The following TUBG2 variants were observed in gnomAD, a reference collection of about 807,000 sequenced individuals.
TUBG2 encodes tubulin gamma-2 chain.
Under a neutral mutation model 55.1 loss-of-function variants are expected in TUBG2, and 39 were observed. That is an observed-to-expected ratio of 0.71 (90% CI 0.55 to 0.93). The LOEUF (loss-of-function observed/expected upper bound fraction) is 0.93. Ranked by LOEUF, TUBG2 falls within the 40% of genes least tolerant of loss-of-function variation. TUBG2 has a pLI of 0.00. For synonymous variants in TUBG2, 223 were observed against 241.0 expected (o/e 0.93, Z 0.69); for missense variants, 358 against 599.1 (o/e 0.60, Z 4.20).
At chr17:42,663,260 C>G in intron 5 of TUBG2, 117 bp from the exon 6 acceptor site, 1 of 1,487,666 alleles carries the variant, frequency 6.7e-7, no homozygotes, top group Non-Finnish European at 9.1e-7. Flanking sequence ...TCAGGCTTAT[C>G]CTTTTTGGCT....
In TUBG2 at chr17:42,666,994, G is replaced by C. The variant is rs2143531740; in HGVS notation, c.*194G>C. The C allele has an allele frequency of 1.7e-6, 1 of 605,996 alleles. No individual in the cohort carries two copies. The highest frequency in any genetic ancestry group is 2.9e-6 in the Non-Finnish European group (1 of 350,056). 37.5% of individuals were successfully genotyped at this position (605,996 alleles called of 1,614,324 possible). ...CAGCTCTAATAAAGTAATAAAGCTT[G>C]GTTGTCAGTATAGCCAGGGCTTGAT... On this transcript the variant is annotated 3_prime_UTR_variant, in exon 11 of 11. Coordinates refer to ENST00000251412, the MANE Select transcript of TUBG2 (RefSeq NM_016437.3).
chr17:42,665,033 A>AT (rs944079299), intron 6 of TUBG2, among the ~76,000 whole-genome samples: 37 of 148,980 alleles, frequency 2.5e-4, no homozygotes, highest in African/African-American at 9.1e-4. Context: ...ATTTTATTTT[A>AT]TTTATTTTAT....
At position 42,666,442 on chromosome 17, in the gene TUBG2, G is replaced by C. The variant is rs753971478; in HGVS notation, c.1116G>C (p.Arg372=). ...CTCCCTACCTGCCCTCGGCCCACCG[G>C]GTCAGCGGGCTCATGATGGCCAACC... ...RKSPYLPSAH[R]VSGLMMANHT... The change falls in exon 10 of 11, where the codon CGG becomes CGC. Residue 372 remains arginine (R), a synonymous_variant. Coordinates refer to ENST00000251412, the MANE Select transcript of TUBG2 (RefSeq NM_016437.3). The C allele has an allele frequency of 1.9e-6, 3 of 1,614,158 alleles. No individual in the cohort carries two copies. The highest frequency in any genetic ancestry group is 2.5e-6 in the Non-Finnish European group (3 of 1,179,982).
At chr17:42,665,880 C>T in intron 8 of TUBG2, 53 bp downstream of exon 8, 1 of 1,609,894 alleles carries the variant, frequency 6.2e-7, no homozygotes, top group Non-Finnish European at 8.5e-7. Context: ...CCCAGCAGGC[C>T]CTGCCCCAGC....
At chr17:42,664,444 C>G (rs2052467399) in intron 6 of TUBG2, among the ~76,000 whole-genome samples, 5 of 152,006 alleles carry the variant, frequency 3.3e-5, no homozygotes, top group Admixed American at 3.3e-4. Context: ...TTCTTAGAAT[C>G]CTTTTAGGCA....
In TUBG2 at chr17:42,659,346, C is replaced by G; in HGVS notation, c.-158C>G. ...AGGTTGGGCTCCCCGGCCCACCGGCCGAGGAGAGGCCTGCGCTGCACACGC... is the reference window on the plus strand; with the variant it reads ...AGGTTGGGCTCCCCGGCCCACCGGCGGAGGAGAGGCCTGCGCTGCACACGC... On this transcript the variant is annotated 5_prime_UTR_variant, in exon 1 of 11. Coordinates refer to ENST00000251412, the MANE Select transcript of TUBG2 (RefSeq NM_016437.3). 3 of 697,872 alleles carry G rather than the reference C, an allele frequency of 4.3e-6. No individual in the cohort carries two copies. Among genetic ancestry groups the G allele is most frequent in the Middle Eastern group, 4.2e-4 (1 of 2,376 alleles). 43.2% of individuals were successfully genotyped at this position (697,872 alleles called of 1,614,324 possible). A position where few individuals can be genotyped will look rare whatever the true frequency, so the allele number is the denominator to read the frequency against.
chr17:42,662,979 G>A lies in TUBG2; in HGVS notation c.406G>A (p.Val136Met), dbSNP rs753214599. 4 of 1,614,074 alleles carry A rather than the reference G, an allele frequency of 2.5e-6. No individual in the cohort carries two copies. The highest frequency in any genetic ancestry group is 3.4e-6 in the Non-Finnish European group (4 of 1,179,974). Residue 136 changes from valine to methionine, a missense_variant, in exon 5 of 11, where the codon GTG becomes ATG. Transcript: ENST00000251412. ...ADGSDSLEGFVLCHSIAGGTG... is the reference protein window; with the variant it reads ...ADGSDSLEGFMLCHSIAGGTG... ...TATTCCTGTATACACACAGGGCTTC[G>A]TGCTGTGTCACTCCATCGCTGGGGG...
chr17:42,666,274 T>G, intron 9 of TUBG2, 35 bp downstream of exon 9: 1 of 1,614,050 alleles, frequency 6.2e-7, no homozygotes, highest in Non-Finnish European at 8.5e-7. Context: ...GCCCTGGACC[T>G]GCAGGGGTAG....
Position 42,665,846 on chromosome 17 carries a change from G to A in TUBG2, c.843+19G>A, listed in dbSNP as rs761995692. The A allele has an allele frequency of 8.7e-6, 14 of 1,613,904 alleles. No homozygotes were observed. Among genetic ancestry groups the A allele is most frequent in the South Asian group, 7.7e-5 (7 of 91,070 alleles). On this transcript the variant is annotated intron_variant, in intron 8 of 10. Coordinates refer to ENST00000251412, the MANE Select transcript of TUBG2 (RefSeq NM_016437.3). ...CCAGTCAGTAAGAGCAGCCTTCAGTGTCCCAGGCCAGGCTGGCCCTGGGCC... is the reference window on the plus strand; with the variant it reads ...CCAGTCAGTAAGAGCAGCCTTCAGTATCCCAGGCCAGGCTGGCCCTGGGCC...
In TUBG2 at chr17:42,666,680, C is replaced by CT. The variant is rs1338351578; in HGVS notation, c.1236_1237insT (p.Met413TyrfsTer7). The CT allele has an allele frequency of 3.1e-6, 5 of 1,614,166 alleles. No individual in the cohort carries two copies. Among genetic ancestry groups the CT allele is most frequent in the African/African-American group, 1.3e-5 (1 of 75,026 alleles). ...TCCTCGAGCAGTTCCGTAAGGAGGA[C>CT]ATGTTCAAGGACAACTTTGATGAGA... On this transcript the variant is annotated frameshift_variant, in exon 11 of 11. Transcript: ENST00000251412. LOFTEE classifies it high-confidence loss of function.
At chr17:42,663,942 C>CAA (rs376456859) in intron 6 of TUBG2, among the ~76,000 whole-genome samples, 3,072 of 130,056 alleles carry the variant, frequency 0.024, 142 homozygotes, top group African/African-American at 0.075. Flanking sequence ...GACTCTGTCT[C>CAA]AAAAAAAAAA....
chr17:42,662,960 T>C lies in TUBG2; in HGVS notation c.400-13T>C. 6.8e-6 allele frequency: 11 copies of C among 1,613,094 alleles called. No homozygotes were observed. Among genetic ancestry groups the C allele is most frequent in the Non-Finnish European group, 8.5e-6 (10 of 1,179,568 alleles). ...AGGAGAAACTGAGTCTGTTTATTCC[T>C]GTATACACACAGGGCTTCGTGCTGT... On this transcript the variant is annotated splice_polypyrimidine_tract_variant and intron_variant, in intron 4 of 10. Coordinates refer to ENST00000251412, the MANE Select transcript of TUBG2 (RefSeq NM_016437.3).
intron 4 of TUBG2, chr17:42,661,077 A>T (rs1467261448): frequency 1.7e-5 from 4 of 242,158 alleles, no homozygotes; most frequent in Non-Finnish European, 3.3e-5. Context: ...ATCTCTCCCC[A>T]TGCTGGGTGC....
At chr17:42,665,289 C>A (rs559547805) in intron 6 of TUBG2, among the ~76,000 whole-genome samples, 187 bp from the exon 7 acceptor site, 2 of 151,850 alleles carry the variant, frequency 1.3e-5, no homozygotes, top group African/African-American at 4.8e-5. Context: ...CCTTGTGATC[C>A]GCCCGTCTCG....
rs372865254 is a variant in TUBG2, at chr17:42,665,578, C to T, written c.693+16C>T. 89 of 1,614,180 alleles carry T rather than the reference C, an allele frequency of 5.5e-5. No individual in the cohort carries two copies. The highest frequency in any genetic ancestry group is 2.9e-4 in the South Asian group (26 of 91,080). Reference sequence around the variant, plus strand: ...CAACCAGCTGGTGGGCCCCCACTCCCGGACTCCTTTGGACTGGAAGCCCTC... The same window carrying T: ...CAACCAGCTGGTGGGCCCCCACTCCTGGACTCCTTTGGACTGGAAGCCCTC... On this transcript the variant is annotated intron_variant, in intron 7 of 10. Transcript: ENST00000251412.
chr17:42,666,605 C>T lies in TUBG2; in HGVS notation c.1161C>T (p.Leu387=). Reference sequence around the variant, plus strand: ...TTGGAGATTTTCATCTCTTTCAGCTCTTTGAAAGTTCCTGCCAGCAGTTTG... The same window carrying T: ...TTGGAGATTTTCATCTCTTTCAGCTTTTTGAAAGTTCCTGCCAGCAGTTTG... ...MMANHTSISS[L]FESSCQQFDK... Residue 387 remains leucine (L), a splice_region_variant and synonymous_variant, in exon 11 of 11, where the codon CTC becomes CTT. Transcript: ENST00000251412. 4 of 1,614,246 alleles carry T rather than the reference C, an allele frequency of 2.5e-6. No individual in the cohort carries two copies. Among genetic ancestry groups the T allele is most frequent in the Non-Finnish European group, 3.4e-6 (4 of 1,180,044 alleles).
intron 4 of TUBG2, among the ~76,000 whole-genome samples, chr17:42,662,388 T>C (rs2052408509): frequency 6.6e-6 from 1 of 151,174 alleles, no homozygotes; most frequent in Non-Finnish European, 1.5e-5. Flanking sequence ...GGCAGATCAC[T>C]TGAGGTCAGG....
chr17:42,666,688 A>G lies in TUBG2; in HGVS notation c.1244A>G (p.Lys415Arg). The change falls in exon 11 of 11, where the codon AAG becomes AGG. Residue 415 changes from lysine to arginine, a missense_variant. This residue lies in a region of TUBG2 where 54 missense variants were observed against 50.2 expected (regional missense o/e 1.08). Coordinates refer to ENST00000251412, the MANE Select transcript of TUBG2 (RefSeq NM_016437.3). ...CAGTTCCGTAAGGAGGACATGTTCAAGGACAACTTTGATGAGATGGACAGG... is the reference window on the plus strand; with the variant it reads ...CAGTTCCGTAAGGAGGACATGTTCAGGGACAACTTTGATGAGATGGACAGG... ...LEQFRKEDMF[K>R]DNFDEMDRSR... The G allele has an allele frequency of 2.5e-6, 4 of 1,614,162 alleles. No homozygotes were observed. The highest frequency in any genetic ancestry group is 8.5e-7 in the Non-Finnish European group (1 of 1,180,000).
intron 6 of TUBG2, among the ~76,000 whole-genome samples, chr17:42,665,109 A>G (rs554290081): frequency 6.6e-6 from 1 of 152,004 alleles, no homozygotes; most frequent in East Asian, 1.9e-4. Flanking sequence ...GTGCAGTGGC[A>G]TGATCTTGGC....
Sources: gnomAD v4.1 joint callset for allele counts (sites outside exome capture counted in the v4.1 genomes callset) on GRCh38, gnomAD v4.1.1 for gene constraint, gnomAD v4.1.1 regional missense constraint, MANE v1.5 for transcripts, NCBI Gene and HGNC (gene_info 2026-07-23, HGNC 2026-07-21) for gene names.